Variants in RFX3 observed in about 807,000 individuals in gnomAD.
RFX3 encodes the protein regulatory factor X3.
RFX3 carries 14 observed loss-of-function variants against 98.6 expected under a neutral mutation model. That is an observed-to-expected ratio of 0.14 (90% CI 0.09 to 0.22). The LOEUF is 0.22. RFX3 is among the 10% of genes least tolerant of loss of function. The pLI, the probability that RFX3 is intolerant of heterozygous loss-of-function variation, is 1.00. For missense variants in RFX3, 639 were observed against 926.9 expected (o/e 0.69, Z 4.03); for synonymous variants, 383 against 328.4 (o/e 1.17, Z -1.80).
At chr9:3,251,610 C>T (rs1039440178) in intron 14 of RFX3, among the ~76,000 whole-genome samples, 5 of 151,884 alleles carry the variant, frequency 3.3e-5, no homozygotes, top group Admixed American at 2.6e-4. Context: ...GCTGGGATTA[C>T]AGGTGCAAGC....
chr9:3,383,823 T>A (rs1421411561), intron 2 of RFX3, among the ~76,000 whole-genome samples: 6 of 152,128 alleles, frequency 3.9e-5, no homozygotes, highest in African/African-American at 1.4e-4. Context: ...GCGGAAAACC[T>A]GATAAATTCT....
intron 2 of RFX3, among the ~76,000 whole-genome samples, chr9:3,366,019 C>G (rs1837024441): frequency 6.6e-6 from 1 of 152,018 alleles, no homozygotes; most frequent in Admixed American, 6.5e-5. Context: ...TCCACACGCT[C>G]ACTTGGGGAC....
chr9:3,521,913 T>G (rs1818753417), intron 1 of RFX3, among the ~76,000 whole-genome samples: 1 of 152,090 alleles, frequency 6.6e-6, no homozygotes, highest in South Asian at 2.1e-4. Context: ...CAAAGGGAAT[T>G]TACCATTATT....
At chr9:3,320,591 A>C (rs894147313) in intron 4 of RFX3, among the ~76,000 whole-genome samples, 7 of 151,124 alleles carry the variant, frequency 4.6e-5, no homozygotes, top group Admixed American at 2.6e-4. Flanking sequence ...ACTTTAGGAT[A>C]TCTTATATAA....
intron 1 of RFX3, chr9:3,421,019 CA>C (rs145747158): frequency 0.11 from 19,120 of 180,838 alleles, 4 homozygotes; most frequent in Non-Finnish European, 0.15. Context: ...TACTATGTGC[CA>C]AAAAAAAAAA....
chr9:3,467,986 A>C (rs1018381057), intron 1 of RFX3, among the ~76,000 whole-genome samples: 27 of 152,272 alleles, frequency 1.8e-4, no homozygotes, highest in African/African-American at 6.3e-4. Flanking sequence ...AAGCCAGAAT[A>C]TTTTTTGAGT....
intron 2 of RFX3, among the ~76,000 whole-genome samples, chr9:3,382,926 T>G (rs567017557): frequency 6.6e-6 from 1 of 152,264 alleles, no homozygotes; most frequent in Admixed American, 6.5e-5. Context: ...CAGTTCTTAT[T>G]TGTTTAAAGA....
chr9:3,373,945 GCAT>G (rs1378843381), intron 2 of RFX3, among the ~76,000 whole-genome samples: 3 of 152,102 alleles, frequency 2.0e-5, no homozygotes, highest in Non-Finnish European at 2.9e-5. Context: ...AGGAGTGGTG[GCAT>G]GCGCCTGTAG....
At chr9:3,395,406 C>T in intron 2 of RFX3, 66 bp downstream of exon 2, 1 of 1,561,286 alleles carries the variant, frequency 6.4e-7, no homozygotes, top group Non-Finnish European at 8.8e-7. Context: ...TTTTTGGATA[C>T]AGGTATGTTG....
chr9:3,238,752 C>G (rs1398577914), intron 15 of RFX3, among the ~76,000 whole-genome samples: 2 of 152,238 alleles, frequency 1.3e-5, no homozygotes, highest in East Asian at 1.9e-4. Flanking sequence ...AGTGATCAGT[C>G]CGAGGCAGGC....
chr9:3,251,325 T>C (rs190139572), intron 14 of RFX3, among the ~76,000 whole-genome samples: 47 of 152,298 alleles, frequency 3.1e-4, no homozygotes, highest in African/African-American at 1.1e-3. Context: ...TTGTATTTCC[T>C]AGATTATCTT....
intron 3 of RFX3, among the ~76,000 whole-genome samples, chr9:3,339,333 G>A (rs1833591520): frequency 6.6e-6 from 1 of 152,078 alleles, no homozygotes; most frequent in African/African-American, 2.4e-5. Context: ...AATTTTAGCA[G>A]AAATGGCATT....
intron 10 of RFX3, 149 bp from the exon 11 acceptor site, chr9:3,270,674 C>G (rs943639643): frequency 6.5e-6 from 5 of 769,202 alleles, no homozygotes; most frequent in Non-Finnish European, 1.0e-5. Context: ...CTATATATAC[C>G]GAGAGAGACA....
intron 2 of RFX3, among the ~76,000 whole-genome samples, chr9:3,393,699 G>A (rs951524140): frequency 5.3e-5 from 8 of 151,878 alleles, no homozygotes; most frequent in African/African-American, 9.7e-5. Flanking sequence ...AATCACCATT[G>A]TGAAGATTCA....
intron 3 of RFX3, chr9:3,344,606 C>T (rs1178324229): frequency 9.5e-6 from 5 of 525,612 alleles, no homozygotes; most frequent in Admixed American, 7.1e-5. Context: ...ATTTCAACTG[C>T]CCTTTTCCCT....
Position 3,233,772 on chromosome 9 carries a change from A to G in RFX3, c.1969-4883T>C, listed in dbSNP as rs549620573. Among the ~76,000 whole-genome samples the G allele has an allele frequency of 3.3e-5, 5 of 152,344 alleles. No individual in the cohort carries two copies. The South Asian group carries it at 6.2e-4, about 19-fold the overall frequency. ...AAGCAAATCTGTAACAAGTTCCCCA[A>G]TAGTGTTAATTTGGATCTTTCCAAA... On this transcript the variant is annotated intron_variant, in intron 15 of 16. Transcript: ENST00000617270.
At chr9:3,433,554 T>C (rs1003141621) in intron 1 of RFX3, among the ~76,000 whole-genome samples, 2 of 152,206 alleles carry the variant, frequency 1.3e-5, no homozygotes, top group Non-Finnish European at 2.9e-5. Flanking sequence ...AGTCAAAAGT[T>C]ATAGCTAGCT....
chr9:3,429,389 A>G (rs1284362192), intron 1 of RFX3, among the ~76,000 whole-genome samples: 1 of 149,540 alleles, frequency 6.7e-6, no homozygotes, highest in Non-Finnish European at 1.5e-5. Context: ...TGTAATCTTA[A>G]TATATACCAA....
At chr9:3,323,490 A>C (rs1230824739) in intron 4 of RFX3, among the ~76,000 whole-genome samples, 1 of 152,154 alleles carries the variant, frequency 6.6e-6, no homozygotes, top group Non-Finnish European at 1.5e-5. Context: ...CAAACAAGTA[A>C]CTTAACGTGA....
Sources: gnomAD v4.1 joint callset for allele counts (sites outside exome capture counted in the v4.1 genomes callset) on GRCh38, gnomAD v4.1.1 for gene constraint, MANE v1.5 for transcripts, NCBI Gene and HGNC (gene_info 2026-07-23, HGNC 2026-07-21) for gene names.